The following STK31 variants were observed in gnomAD, a reference collection of about 807,000 sequenced individuals.
STK31 encodes the protein serine/threonine kinase 31, also known as serine/threonine-protein kinase 31.
STK31 carries 89 observed loss-of-function variants against 129.7 expected under a neutral mutation model. The ratio of observed to expected loss-of-function variants is 0.69; its 90% confidence interval spans 0.58 to 0.82. The LOEUF (loss-of-function observed/expected upper bound fraction) is 0.82, where lower values mean the gene tolerates loss of function less well. STK31 is among the 40% of genes least tolerant of loss of function. The probability of loss-of-function intolerance (pLI) is 0.00; values close to 1 mark genes in which losing one functional copy is unlikely to be tolerated. For missense variants in STK31, 1,187 were observed against 1,176.4 expected (o/e 1.01, Z -0.13); for synonymous variants, 448 against 395.3 (o/e 1.13, Z -1.58).
chr7:23,732,652 A>G (rs1787500807), intron 6 of STK31, among the ~76,000 whole-genome samples: 1 of 152,222 alleles, frequency 6.6e-6, no homozygotes, highest in Admixed American at 6.5e-5. Flanking sequence ...AGATTTCTGC[A>G]TAAAAATTCT....
intron 8 of STK31, among the ~76,000 whole-genome samples, chr7:23,739,746 C>T (rs887057163): frequency 2.0e-5 from 3 of 152,130 alleles, no homozygotes; most frequent in African/African-American, 7.2e-5. Flanking sequence ...TTCCCCATTG[C>T]TTGTTTTTGT....
chr7:23,830,096 C>T (rs1396668841), intron 23 of STK31, among the ~76,000 whole-genome samples: 2 of 152,012 alleles, frequency 1.3e-5, no homozygotes, highest in African/African-American at 2.4e-5. Flanking sequence ...ACTACAGGCG[C>T]CCGCCACAAC....
At chr7:23,743,737 T>C (rs1788188306) in intron 8 of STK31, among the ~76,000 whole-genome samples, 1 of 152,132 alleles carries the variant, frequency 6.6e-6, no homozygotes, top group Non-Finnish European at 1.5e-5. Context: ...TGATCCCTTT[T>C]TTTCTCTTTT....
intron 22 of STK31, among the ~76,000 whole-genome samples, chr7:23,799,600 T>C (rs541436510): frequency 6.6e-6 from 1 of 151,074 alleles, no homozygotes; most frequent in South Asian, 2.1e-4. Context: ...TAACTCAAGA[T>C]GCATTAAAGA....
At chr7:23,717,356 A>G (rs1786406690) in intron 3 of STK31, 125 bp from the exon 4 acceptor site, 2 of 547,976 alleles carry the variant, frequency 3.6e-6, no homozygotes, top group Non-Finnish European at 6.2e-6. Context: ...AAATACAGGC[A>G]TAAGAAGTTG....
chr7:23,757,334 C>T (rs977055473), intron 10 of STK31, among the ~76,000 whole-genome samples: 1 of 152,066 alleles, frequency 6.6e-6, no homozygotes. Flanking sequence ...GACCGGCGCT[C>T]AGCATGTGGA....
intron 23 of STK31, among the ~76,000 whole-genome samples, chr7:23,826,114 C>T (rs1794134765): frequency 6.6e-6 from 1 of 151,934 alleles, no homozygotes; most frequent in Admixed American, 6.6e-5. Context: ...TCTATTAGGT[C>T]CTCTTGGTGC....
At chr7:23,825,820 A>G (rs2099520295) in intron 23 of STK31, among the ~76,000 whole-genome samples, 2 of 152,202 alleles carry the variant, frequency 1.3e-5, no homozygotes, top group African/African-American at 4.8e-5. Flanking sequence ...GTTGGTTTCA[A>G]AGAACATCTT....
At chr7:23,769,584 G>T in intron 12 of STK31, 56 bp from the exon 13 acceptor site, 1 of 1,208,024 alleles carries the variant, frequency 8.3e-7, no homozygotes, top group Non-Finnish European at 1.2e-6. Flanking sequence ...ATTAAGGCAC[G>T]ATGAATGCTG....
At chr7:23,765,216 G>A (rs1789739074) in intron 11 of STK31, among the ~76,000 whole-genome samples, 2 of 151,938 alleles carry the variant, frequency 1.3e-5, no homozygotes, top group Admixed American at 1.3e-4. Flanking sequence ...CACCATGCCT[G>A]TCTAATTTTT....
Position 23,787,987 on chromosome 7 carries a change from T to C in STK31, c.2495T>C (p.Leu832Ser). ...ANMPLNSEET[L>S]KVMKGVAQGL... ...ATGTGTACTTATCTATAGGAAACTTTAAAGGTCATGAAAGGTGTTGCCCAG... is the reference window on the plus strand; with the variant it reads ...ATGTGTACTTATCTATAGGAAACTTCAAAGGTCATGAAAGGTGTTGCCCAG... The change falls in exon 21 of 24, where the codon TTA becomes TCA. Residue 832 changes from leucine to serine, a missense_variant. By Grantham distance (145) the Leu-to-Ser change is moderately radical (BLOSUM62 -2). Around this residue, in one of 5 missense-constraint regions of STK31, gnomAD observed 975 missense variants for 934.9 expected, o/e 1.04. Transcript: ENST00000355870. 1 of 1,563,308 alleles carries C rather than the reference T, an allele frequency of 6.4e-7. No individual in the cohort carries two copies. Among genetic ancestry groups the C allele is most frequent in the Non-Finnish European group, 8.6e-7 (1 of 1,158,276 alleles).
intron 22 of STK31, among the ~76,000 whole-genome samples, chr7:23,800,805 A>G (rs1311809440): frequency 2.0e-5 from 3 of 151,558 alleles, no homozygotes; most frequent in Non-Finnish European, 4.4e-5. Context: ...TAGTGGTATC[A>G]TACAGTATAT....
chr7:23,737,242 C>T (rs1787773265), intron 8 of STK31, among the ~76,000 whole-genome samples, 164 bp downstream of exon 8: 1 of 152,164 alleles, frequency 6.6e-6, no homozygotes, highest in African/African-American at 2.4e-5. Flanking sequence ...ATACTCCAGA[C>T]TAATCATCTT....
intron 3 of STK31, among the ~76,000 whole-genome samples, chr7:23,714,061 A>G (rs1433382087): frequency 6.6e-6 from 1 of 152,110 alleles, no homozygotes; most frequent in Non-Finnish European, 1.5e-5. Flanking sequence ...AGGCAATAGG[A>G]ATTTTTCAGC....
intron 4 of STK31, among the ~76,000 whole-genome samples, chr7:23,724,787 G>A (rs1037297964): frequency 1.3e-5 from 2 of 152,156 alleles, no homozygotes; most frequent in South Asian, 2.1e-4. Context: ...TGAAGAAACC[G>A]GAGTTAATTA....
intron 8 of STK31, among the ~76,000 whole-genome samples, chr7:23,750,448 A>G (rs556881787): frequency 6.6e-6 from 1 of 152,164 alleles, no homozygotes; most frequent in African/African-American, 2.4e-5. Context: ...GCTTTTTAAT[A>G]TGTGTTAGGA....
Position 23,769,548 on chromosome 7 carries a change from G to A in STK31, c.1597-92G>A, listed in dbSNP as rs567693579. The A allele has an allele frequency of 7.6e-4, 663 of 867,298 alleles. 2 individuals are homozygous for A. Among genetic ancestry groups the A allele is most frequent in the South Asian group, 1.2e-3 (66 of 54,600 alleles). The allele number at this position is 867,298 out of a possible 1,614,324, so 53.7% of individuals were successfully genotyped here. On this transcript the variant is annotated intron_variant, in intron 12 of 23. Transcript: ENST00000355870. ...TCCTAGTTCTTTTACATTGCCCAGG[G>A]TATAGCTTAATACTCTGCTTCAGGT... is the stretch of plus-strand genomic sequence containing the variant.
At chr7:23,729,340 T>C in intron 6 of STK31, 91 bp downstream of exon 6, 1 of 1,182,620 alleles carries the variant, frequency 8.5e-7, no homozygotes, top group Non-Finnish European at 1.1e-6. Flanking sequence ...TACTTTAATA[T>C]AAAAGTCTGT....
intron 8 of STK31, among the ~76,000 whole-genome samples, chr7:23,743,260 T>G (rs974390349): frequency 1.5e-4 from 23 of 152,172 alleles, no homozygotes; most frequent in African/African-American, 5.5e-4. Context: ...AGCTGGGTTT[T>G]TAACTTTCAT....
Sources: gnomAD v4.1 joint callset for allele counts (sites outside exome capture counted in the v4.1 genomes callset) on GRCh38, gnomAD v4.1.1 for gene constraint, gnomAD v4.1.1 regional missense constraint, MANE v1.5 for transcripts, NCBI Gene and HGNC (gene_info 2026-07-23, HGNC 2026-07-21) for gene names.